WDR25: variants seen among roughly 807,000 people sequenced by gnomAD.
The protein encoded by WDR25 is WD repeat-containing protein 25.
In WDR25, 35 loss-of-function variants were observed where a neutral mutation model predicts 47.7. The ratio of observed to expected loss-of-function variants is 0.73; its 90% CI spans 0.56 to 0.97. The LOEUF (loss-of-function observed/expected upper bound fraction) is 0.97. Ranked by LOEUF, WDR25 falls within the 50% of genes least tolerant of loss-of-function variation. The pLI, the probability that WDR25 is intolerant of heterozygous loss-of-function variation, is 0.00. For missense variants in WDR25, 634 were observed against 704.7 expected, an observed-to-expected ratio of 0.90 and a Z score of 1.14; for synonymous variants, 248 against 278.9, an observed-to-expected ratio of 0.89 and a Z score of 1.10.
At chr14:100,393,257 G>A (rs1055965507) in intron 2 of WDR25, among the ~76,000 whole-genome samples, 1 of 152,246 alleles carries the variant, frequency 6.6e-6, no homozygotes, top group African/African-American at 2.4e-5. Context: ...TAGGGAAAAT[G>A]AAAGAGATTT....
intron 2 of WDR25, among the ~76,000 whole-genome samples, chr14:100,442,054 G>T (rs1898686672): frequency 6.6e-6 from 1 of 152,228 alleles, no homozygotes; most frequent in African/African-American, 2.4e-5. Context: ...GCTGGGAGGT[G>T]CCAGGAGGAG....
At position 100,468,273 on chromosome 14, in the gene WDR25, A is replaced by G. The variant is rs193004327; in HGVS notation, c.970+105A>G. The G allele has an allele frequency of 6.1e-6, 9 of 1,479,656 alleles. No individual in the cohort carries two copies. In the East Asian group the frequency reaches 2.1e-4, roughly 34 times the overall value. 91.7% of individuals were successfully genotyped at this position (1,479,656 alleles called of 1,614,324 possible). ...CAAGCTGTATACGCTTGCGTGGCAGAGGGAGAGGGGCCTCAGGGTGGGCTC... is the reference window on the plus strand; with the variant it reads ...CAAGCTGTATACGCTTGCGTGGCAGGGGGAGAGGGGCCTCAGGGTGGGCTC... On this transcript the variant is annotated intron_variant, in intron 3 of 6. Transcript: ENST00000402312. The surrounding 1 kb of genome is among the most constrained non-coding windows in gnomAD (Gnocchi z 4.5).
At chr14:100,521,984 G>C (rs772216385) in intron 4 of WDR25, among the ~76,000 whole-genome samples, 5 of 152,172 alleles carry the variant, frequency 3.3e-5, no homozygotes, top group Non-Finnish European at 7.3e-5. Context: ...TGGTATCTCT[G>C]TGTGATTTAA....
intron 2 of WDR25, among the ~76,000 whole-genome samples, chr14:100,408,387 T>C (rs1157062053): frequency 6.6e-6 from 1 of 152,176 alleles, no homozygotes; most frequent in Non-Finnish European, 1.5e-5. Context: ...AATTTACATA[T>C]ATTGAGTTTC....
intron 2 of WDR25, among the ~76,000 whole-genome samples, chr14:100,438,208 A>G (rs1450884521): frequency 1.3e-5 from 2 of 152,242 alleles, no homozygotes; most frequent in African/African-American, 4.8e-5. Flanking sequence ...ACGTAGTGAA[A>G]TAATTTGATT....
At chr14:100,483,786 T>A (rs1900286053) in intron 3 of WDR25, among the ~76,000 whole-genome samples, 1 of 152,116 alleles carries the variant, frequency 6.6e-6, no homozygotes, top group Non-Finnish European at 1.5e-5. Flanking sequence ...GTTCAGCTAG[T>A]CAAGGGTGGG....
chr14:100,464,369 C>G (rs1408376811), intron 2 of WDR25, among the ~76,000 whole-genome samples: 2 of 152,146 alleles, frequency 1.3e-5, no homozygotes, highest in Non-Finnish European at 1.5e-5. Flanking sequence ...CTTTTTAATA[C>G]TTCAGTCTTC....
chr14:100,513,883 A>C (rs1901395651), intron 4 of WDR25, among the ~76,000 whole-genome samples: 1 of 151,832 alleles, frequency 6.6e-6, no homozygotes, highest in Non-Finnish European at 1.5e-5. Flanking sequence ...CTTTGGTATT[A>C]ATATAGACAT....
rs1284813107 is a variant in WDR25, at chr14:100,381,070, A to G, written c.146A>G (p.Asp49Gly). 4 of 1,614,104 alleles carry G rather than the reference A, an allele frequency of 2.5e-6. No individual in the cohort carries two copies. Among genetic ancestry groups the G allele is most frequent in the Non-Finnish European group, 3.4e-6 (4 of 1,180,048 alleles). ...TSGVARPPGQ[D>G]FASGTLDVPK... ...GGTGTGGCCAGACCACCTGGGCAGGATTTTGCATCTGGTACACTGGATGTG... is the reference window on the plus strand; with the variant it reads ...GGTGTGGCCAGACCACCTGGGCAGGGTTTTGCATCTGGTACACTGGATGTG... The change falls in exon 2 of 7, where the codon GAT becomes GGT. Residue 49 changes from aspartate to glycine, a missense_variant. Transcript: ENST00000402312.
At chr14:100,455,915 C>T (rs1400213289) in intron 2 of WDR25, among the ~76,000 whole-genome samples, 1 of 152,066 alleles carries the variant, frequency 6.6e-6, no homozygotes, top group African/African-American at 2.4e-5. Context: ...TATCAGGAGG[C>T]TGGGTGTGGG....
At chr14:100,501,501 C>T (rs1439965649) in intron 4 of WDR25, among the ~76,000 whole-genome samples, 1 of 152,162 alleles carries the variant, frequency 6.6e-6, no homozygotes, top group Admixed American at 6.5e-5. Context: ...ATGTTCTAAC[C>T]CAGTGCGATA....
chr14:100,394,354 C>T (rs1256043307), intron 2 of WDR25, among the ~76,000 whole-genome samples: 3 of 152,146 alleles, frequency 2.0e-5, no homozygotes, highest in Non-Finnish European at 4.4e-5. Flanking sequence ...GGCCTTGTGA[C>T]GTCTCCATGA....
Position 100,477,605 on chromosome 14 carries a change from C to T in WDR25, c.971-6389C>T, listed in dbSNP as rs73349480. Among the ~76,000 whole-genome samples the T allele has an allele frequency of 9.3e-3, 1,421 of 152,170 alleles. 23 individuals carry two copies. Among genetic ancestry groups the T allele is most frequent in the African/African-American group, 0.032 (1,346 of 41,492 alleles). On this transcript the variant is annotated intron_variant, in intron 3 of 6. Transcript: ENST00000402312. ...TATGAAAAGGTAGAGAGGAAGAGCC[C>T]GTCTGACAAGTTAAGACCTTCTCCT...
chr14:100,448,193 C>CAAAAAAAAAAA (rs111428141), intron 2 of WDR25, among the ~76,000 whole-genome samples: 1 of 110,278 alleles, frequency 9.1e-6, no homozygotes, highest in Non-Finnish European at 1.8e-5. Flanking sequence ...AACTCCGTCT[C>CAAAAAAAAAAA]AAAAAAAAAA....
intron 4 of WDR25, among the ~76,000 whole-genome samples, chr14:100,496,835 T>C (rs866612495): frequency 0.031 from 4,101 of 131,520 alleles, 184 homozygotes; most frequent in African/African-American, 0.11. Flanking sequence ...ATTCTTTTTT[T>C]TTTTTTTTTT....
rs532010565 is a variant in WDR25 at position 100,416,444 on chromosome 14, G to A, written c.822+34698G>A. ...GGGATGCAAACCAACCCATGTCACC[G>A]GCCCATTCACCCTGCCCCGATTTCT... On this transcript the variant is annotated intron_variant, in intron 2 of 6. Coordinates refer to ENST00000402312, the MANE Select transcript of WDR25 (RefSeq NM_001161476.3). Among the ~76,000 whole-genome samples, 5 of 152,266 alleles carry A rather than the reference G, an allele frequency of 3.3e-5. No individual in the cohort carries two copies. In the South Asian group the frequency reaches 6.2e-4, roughly 19 times the overall value.
chr14:100,392,214 C>T lies in WDR25; in HGVS notation c.822+10468C>T, dbSNP rs557963578. On this transcript the variant is annotated intron_variant, in intron 2 of 6. Coordinates refer to ENST00000402312, the MANE Select transcript of WDR25 (RefSeq NM_001161476.3). The surrounding 1 kb of genome is among the most constrained non-coding windows in gnomAD (Gnocchi z 4.2). Reference sequence around the variant, plus strand: ...AAAAACAACAGCTCTTTGGGGTCCTCAGTCATTTTAGACAGTGTAATTGAG... The same window carrying T: ...AAAAACAACAGCTCTTTGGGGTCCTTAGTCATTTTAGACAGTGTAATTGAG... Among the ~76,000 whole-genome samples the T allele has an allele frequency of 1.3e-5, 2 of 152,242 alleles. No homozygotes were observed. The highest frequency in any genetic ancestry group is 3.9e-4 in the East Asian group (2 of 5,176).
At position 100,380,682 on chromosome 14, in the gene WDR25, C is replaced by G. The variant is rs376670945; in HGVS notation, c.-15-228C>G. On this transcript the variant is annotated intron_variant, in intron 1 of 6. Coordinates refer to ENST00000402312, the MANE Select transcript of WDR25 (RefSeq NM_001161476.3). Reference sequence around the variant, plus strand: ...CTACTTTTTGTATTTTTAGTAGAGACGGGGTTTCACCATGTTGGCCAGGCT... The same window carrying G: ...CTACTTTTTGTATTTTTAGTAGAGAGGGGGTTTCACCATGTTGGCCAGGCT... Among the ~76,000 whole-genome samples the G allele has an allele frequency of 4.7e-5, 7 of 149,366 alleles. No individual in the cohort carries two copies. In the East Asian group the frequency reaches 1.4e-3, roughly 30 times the overall value.
chr14:100,444,179 T>A (rs951661587), intron 2 of WDR25, among the ~76,000 whole-genome samples: 1 of 152,162 alleles, frequency 6.6e-6, no homozygotes, highest in Non-Finnish European at 1.5e-5. Context: ...TGTGTCTGGC[T>A]GAATTTGAGG....
Sources: allele counts gnomAD v4.1 joint callset (sites outside exome capture counted in the v4.1 genomes callset), GRCh38; gene constraint gnomAD v4.1.1; non-coding constraint Gnocchi (gnomAD v3.1); transcripts MANE v1.5; gene names NCBI Gene and HGNC (gene_info 2026-07-23, HGNC 2026-07-21).